The following SLC2A13 variants were observed in gnomAD, a reference collection of about 807,000 sequenced individuals.
The protein encoded by SLC2A13 is solute carrier family 2 member 13.
SLC2A13 carries 32 observed loss-of-function variants against 64.4 expected under a neutral mutation model. The ratio of observed to expected loss-of-function variants is 0.50; its 90% CI spans 0.37 to 0.67. SLC2A13 has a LOEUF of 0.67. Among genes scored for constraint, SLC2A13 ranks in the 30% least tolerant of loss-of-function variants. The pLI, the probability that SLC2A13 is intolerant of heterozygous loss-of-function variation, is 0.00. For missense variants in SLC2A13, 743 were observed against 829.2 expected (o/e 0.90, Z 1.28); for synonymous variants, 338 against 327.1 (o/e 1.03, Z -0.36).
intron 3 of SLC2A13, among the ~76,000 whole-genome samples, chr12:39,971,675 A>C: frequency 6.6e-6 from 1 of 152,104 alleles, no homozygotes; most frequent in East Asian, 1.9e-4. Flanking sequence ...ATATGCCTAC[A>C]AGAAAAAATA....
chr12:40,075,724 T>C (rs906183166), intron 1 of SLC2A13, among the ~76,000 whole-genome samples: 7 of 152,186 alleles, frequency 4.6e-5, no homozygotes, highest in Non-Finnish European at 1.0e-4. Context: ...GGCATTATGC[T>C]GACACAAATG....
chr12:39,840,009 C>A (rs1280982779), intron 6 of SLC2A13, among the ~76,000 whole-genome samples: 2 of 151,922 alleles, frequency 1.3e-5, no homozygotes, highest in Non-Finnish European at 2.9e-5. Context: ...ATGTATAGTT[C>A]CTGTACTCTC....
chr12:40,038,236 C>T (rs1388920455), intron 2 of SLC2A13, among the ~76,000 whole-genome samples: 1 of 152,152 alleles, frequency 6.6e-6, no homozygotes, highest in African/African-American at 2.4e-5. Context: ...CTTCTGATTT[C>T]TCCTTAGACC....
At position 39,760,261 on chromosome 12, in the gene SLC2A13, G is replaced by T. The variant is rs1168536539; in HGVS notation, c.1721-9C>A. 12 of 1,595,722 alleles carry T rather than the reference G, an allele frequency of 7.5e-6. No homozygotes were observed. The highest frequency in any genetic ancestry group is 1.0e-5 in the Non-Finnish European group (12 of 1,166,538). ...ATAGAGGAAGAAAGCTCCTGCAACG[G>T]AATATAATAGATACATGAATATGAA... is the stretch of plus-strand genomic sequence containing the variant. On this transcript the variant is annotated splice_polypyrimidine_tract_variant and intron_variant, in intron 9 of 9. Coordinates refer to ENST00000280871, the MANE Select transcript of SLC2A13 (RefSeq NM_052885.4).
chr12:39,809,761 G>T (rs1341911547), intron 7 of SLC2A13, among the ~76,000 whole-genome samples: 1 of 151,972 alleles, frequency 6.6e-6, no homozygotes, highest in Non-Finnish European at 1.5e-5. Flanking sequence ...GCGGTGTTTG[G>T]TTTTTTTGTC....
chr12:39,778,146 C>G (rs1015768698), intron 7 of SLC2A13, among the ~76,000 whole-genome samples: 1 of 152,146 alleles, frequency 6.6e-6, no homozygotes, highest in Non-Finnish European at 1.5e-5. Flanking sequence ...CATCACACAC[C>G]CTGCGAGGGG....
intron 7 of SLC2A13, among the ~76,000 whole-genome samples, chr12:39,776,144 T>TA (rs1792553342): frequency 6.6e-6 from 1 of 152,208 alleles, no homozygotes; most frequent in Admixed American, 6.5e-5. Flanking sequence ...AGTCAGGCAT[T>TA]ACAGTTATTA....
chr12:39,807,729 G>T (rs1284077189), intron 7 of SLC2A13, among the ~76,000 whole-genome samples: 1 of 152,028 alleles, frequency 6.6e-6, no homozygotes, highest in African/African-American at 2.4e-5. Context: ...TCTTCTAAGT[G>T]CACCCTTTCA....
At chr12:40,023,595 T>C (rs1319752080) in intron 3 of SLC2A13, among the ~76,000 whole-genome samples, 2 of 152,248 alleles carry the variant, frequency 1.3e-5, no homozygotes, top group African/African-American at 2.4e-5. Context: ...TTGATTTTAC[T>C]TCCTTTGTCA....
At chr12:39,871,988 C>G (rs369508366) in intron 4 of SLC2A13, 27 bp from the exon 5 acceptor site, 1 of 1,506,070 alleles carries the variant, frequency 6.6e-7, no homozygotes, top group South Asian at 1.4e-5. Flanking sequence ...AAAACAATTG[C>G]TATTGATAGT....
chr12:40,070,770 C>A (rs1390781504), intron 1 of SLC2A13, among the ~76,000 whole-genome samples: 2 of 152,142 alleles, frequency 1.3e-5, no homozygotes, highest in Admixed American at 6.6e-5. Context: ...CTTCCCTTCA[C>A]CTCTGGACAT....
At chr12:40,059,674 C>T (rs992228462) in intron 1 of SLC2A13, among the ~76,000 whole-genome samples, 1 of 152,132 alleles carries the variant, frequency 6.6e-6, no homozygotes, top group African/African-American at 2.4e-5. Flanking sequence ...AGCTAGTTTC[C>T]TGGGCCTTTT....
intron 1 of SLC2A13, among the ~76,000 whole-genome samples, chr12:40,065,618 C>T (rs1937690551): frequency 6.6e-6 from 1 of 151,964 alleles, no homozygotes; most frequent in Non-Finnish European, 1.5e-5. Context: ...TAGCTGTCAT[C>T]TAAGACTCTA....
At chr12:39,869,351 G>A (rs1213684340) in intron 5 of SLC2A13, among the ~76,000 whole-genome samples, 3 of 152,188 alleles carry the variant, frequency 2.0e-5, no homozygotes, top group Non-Finnish European at 4.4e-5. Flanking sequence ...AGAACCACAT[G>A]AATGGCACCA....
intron 3 of SLC2A13, among the ~76,000 whole-genome samples, chr12:40,002,973 T>C (rs188229098): frequency 2.0e-4 from 31 of 152,320 alleles, no homozygotes; most frequent in Admixed American, 1.6e-3. Flanking sequence ...ACATCCATGA[T>C]TTGTACACTG....
At chr12:39,791,071 GTTT>G (rs1941384958) in intron 7 of SLC2A13, among the ~76,000 whole-genome samples, 2 of 142,726 alleles carry the variant, frequency 1.4e-5, no homozygotes, top group African/African-American at 5.2e-5. Flanking sequence ...GGGGTTGTTT[GTTT>G]TTTTCTTGTA....
chr12:39,832,942 C>A (rs1307266340), intron 6 of SLC2A13, among the ~76,000 whole-genome samples: 2 of 152,084 alleles, frequency 1.3e-5, no homozygotes, highest in African/African-American at 4.8e-5. Flanking sequence ...TTCATGATCA[C>A]CAGCCTCAAA....
At chr12:39,760,398 T>C in intron 9 of SLC2A13, 146 bp from the exon 10 acceptor site, 1 of 639,214 alleles carries the variant, frequency 1.6e-6, no homozygotes, top group Non-Finnish European at 2.7e-6. Context: ...ATGAACCTGG[T>C]TTACTCCAAT....
chr12:40,022,025 G>A (rs374094311), intron 3 of SLC2A13, among the ~76,000 whole-genome samples: 1 of 151,770 alleles, frequency 6.6e-6, no homozygotes. Flanking sequence ...TGACCAAATT[G>A]CAAAATTACT....
Sources: allele counts gnomAD v4.1 joint callset (sites outside exome capture counted in the v4.1 genomes callset), GRCh38; gene constraint gnomAD v4.1.1; transcripts MANE v1.5; gene names NCBI Gene and HGNC (gene_info 2026-07-23, HGNC 2026-07-21).